PDGFRL: variants seen among roughly 807,000 people sequenced by gnomAD.
PDGFRL encodes platelet derived growth factor receptor like, also known as platelet-derived growth factor receptor-like protein.
In PDGFRL, 46 loss-of-function variants were observed where a neutral mutation model predicts 37.2. That is an observed-to-expected ratio of 1.24 (90% CI 0.98 to 1.58). The LOEUF (loss-of-function observed/expected upper bound fraction) is 1.58. Ranked by LOEUF, PDGFRL falls within the 40% of genes most tolerant of loss-of-function variation. The pLI, the probability that PDGFRL is intolerant of heterozygous loss-of-function variation, is 0.00. For missense variants in PDGFRL, 692 were observed against 467.6 expected (o/e 1.48, Z -4.43); for synonymous variants, 251 against 184.3 (o/e 1.36, Z -2.93).
intron 3 of PDGFRL, among the ~76,000 whole-genome samples, chr8:17,621,715 T>C (rs1187851749): frequency 6.6e-6 from 1 of 152,188 alleles, no homozygotes; most frequent in Non-Finnish European, 1.5e-5. Flanking sequence ...CACAGAAAGT[T>C]CTATTGGACA....
chr8:17,579,922 C>T (rs917005936), intron 1 of PDGFRL, among the ~76,000 whole-genome samples: 1 of 152,048 alleles, frequency 6.6e-6, no homozygotes, highest in South Asian at 2.1e-4. Flanking sequence ...TCAATCATAG[C>T]ACCTGATTTT....
At chr8:17,581,148 T>G (rs1381395647) in intron 1 of PDGFRL, among the ~76,000 whole-genome samples, 1 of 151,870 alleles carries the variant, frequency 6.6e-6, no homozygotes, top group Non-Finnish European at 1.5e-5. Context: ...TAAGACAGGG[T>G]GAGACATGGA....
intron 4 of PDGFRL, among the ~76,000 whole-genome samples, chr8:17,629,040 C>T (rs1804799902): frequency 6.6e-6 from 1 of 151,810 alleles, no homozygotes; most frequent in African/African-American, 2.4e-5. Context: ...TCCTTAGCCT[C>T]CTGAGTAGCT....
At chr8:17,625,857 T>C (rs1425838224) in intron 3 of PDGFRL, among the ~76,000 whole-genome samples, 2 of 151,920 alleles carry the variant, frequency 1.3e-5, no homozygotes, top group African/African-American at 2.4e-5. Flanking sequence ...TAGACAGGCA[T>C]GGTGGCACGT....
intron 4 of PDGFRL, among the ~76,000 whole-genome samples, chr8:17,629,360 G>C (rs1392828431): frequency 1.4e-5 from 2 of 147,452 alleles, no homozygotes; most frequent in Admixed American, 1.3e-4. Context: ...CGTTCACTCT[G>C]GTGCTGCCTC....
rs544076088 is a variant in PDGFRL at position 17,626,929 on chromosome 8, G to C, written c.506-1558G>C. On this transcript the variant is annotated intron_variant, in intron 3 of 5. Coordinates refer to ENST00000251630, the MANE Select transcript of PDGFRL (RefSeq NM_001372073.1). ...GGAAATGGGGGGAGATAAGAGACTG[G>C]CTGAGGATTCCCAGCCAGGTGCTGG... is the stretch of plus-strand genomic sequence containing the variant. 1.7e-3 allele frequency among the ~76,000 whole-genome samples: 260 copies of C among 152,306 alleles called. 1 individual carries two copies. The highest frequency in any genetic ancestry group is 2.9e-3 in the Non-Finnish European group (199 of 68,030).
intron 3 of PDGFRL, among the ~76,000 whole-genome samples, chr8:17,627,761 C>T (rs920996133): frequency 3.3e-5 from 5 of 151,940 alleles, no homozygotes; most frequent in African/African-American, 1.2e-4. Context: ...CAGGCATGAG[C>T]CACCACGCCT....
At chr8:17,637,334 G>C (rs1170531330) in intron 5 of PDGFRL, among the ~76,000 whole-genome samples, 1 of 152,160 alleles carries the variant, frequency 6.6e-6, no homozygotes, top group South Asian at 2.1e-4. Context: ...TGTCTGTTGA[G>C]ATGATCATGT....
intron 2 of PDGFRL, among the ~76,000 whole-genome samples, chr8:17,592,133 C>T (rs1803953512): frequency 6.6e-6 from 1 of 152,194 alleles, no homozygotes; most frequent in South Asian, 2.1e-4. Flanking sequence ...CCAAGTTAAG[C>T]CAGTTCAGCC....
In PDGFRL at chr8:17,606,189, T is replaced by TC. The variant is rs35588729; in HGVS notation, c.354-14861dup. Among the ~76,000 whole-genome samples, 10 of 151,998 alleles carry TC rather than the reference T, an allele frequency of 6.6e-5. No individual in the cohort carries two copies. In the East Asian group the frequency reaches 1.7e-3, roughly 26 times the overall value. ...GTTATGCTGAGTAAGGTATTTTTTT[T>TC]CAAATAATTTATATTTTTCGAAAAT... On this transcript the variant is annotated intron_variant, in intron 2 of 5. Transcript: ENST00000251630.
intron 2 of PDGFRL, among the ~76,000 whole-genome samples, chr8:17,616,677 G>C (rs1442470856): frequency 6.6e-6 from 1 of 152,132 alleles, no homozygotes; most frequent in South Asian, 2.1e-4. Context: ...TCTTGGCCTA[G>C]AGGCTCTTGC....
chr8:17,610,123 C>T (rs1358574030), intron 2 of PDGFRL, among the ~76,000 whole-genome samples: 1 of 152,176 alleles, frequency 6.6e-6, no homozygotes, highest in Non-Finnish European at 1.5e-5. Context: ...ACAGCTTGTT[C>T]TCCTAGCAAG....
intron 2 of PDGFRL, among the ~76,000 whole-genome samples, chr8:17,590,888 A>ATTTTTTT (rs71729974): frequency 0.019 from 2,732 of 143,042 alleles, 130 homozygotes; most frequent in African/African-American, 0.058. Context: ...ATTATTATTA[A>ATTTTTTT]TTTTTTTTTT....
At chr8:17,583,766 T>C (rs1803757656) in intron 1 of PDGFRL, among the ~76,000 whole-genome samples, 2 of 152,080 alleles carry the variant, frequency 1.3e-5, no homozygotes, top group South Asian at 4.2e-4. Flanking sequence ...TAAGAGCTGG[T>C]TAAAAGGAGG....
At chr8:17,625,393 G>A (rs935262070) in intron 3 of PDGFRL, among the ~76,000 whole-genome samples, 7 of 151,392 alleles carry the variant, frequency 4.6e-5, no homozygotes, top group South Asian at 2.1e-4. Context: ...CTCATGATCC[G>A]CCTGCCTTGG....
intron 2 of PDGFRL, among the ~76,000 whole-genome samples, chr8:17,590,945 C>A (rs945561406): frequency 3.4e-5 from 5 of 145,542 alleles, no homozygotes; most frequent in Admixed American, 1.4e-4. Context: ...TGCAGTGGTG[C>A]CATCTTGGCT....
intron 3 of PDGFRL, among the ~76,000 whole-genome samples, chr8:17,627,287 G>C (rs1459611540): frequency 6.6e-6 from 1 of 152,316 alleles, no homozygotes; most frequent in East Asian, 1.9e-4. Context: ...TTTGGATGTA[G>C]TTTACAGCTT....
At chr8:17,596,676 G>A (rs2246491) in intron 2 of PDGFRL, among the ~76,000 whole-genome samples, 22,014 of 152,186 alleles carry the variant, frequency 0.14, 4,254 homozygotes, top group African/African-American at 0.43. Context: ...TTGACTCTTT[G>A]AATAGTGTTC....
At position 17,641,132 on chromosome 8, in the gene PDGFRL, C is replaced by G. The variant is rs1158299503; in HGVS notation, c.940-1481C>G. The stretch of plus-strand genomic sequence containing the variant: ...GTCTCACTCCCTCTGTCCCTGCCAA[C>G]AGCACCGAGTTTGTTTCTAGGCAGT... On this transcript the variant is annotated intron_variant, in intron 5 of 5. Coordinates refer to ENST00000251630, the MANE Select transcript of PDGFRL (RefSeq NM_001372073.1). Among the ~76,000 whole-genome samples the G allele has an allele frequency of 2.6e-5, 4 of 152,190 alleles. No individual in the cohort carries two copies. In the East Asian group the frequency reaches 7.7e-4, roughly 29 times the overall value.
Sources: allele counts gnomAD v4.1 joint callset (sites outside exome capture counted in the v4.1 genomes callset), GRCh38; gene constraint gnomAD v4.1.1; transcripts MANE v1.5; gene names NCBI Gene and HGNC (gene_info 2026-07-23, HGNC 2026-07-21).